The following IGDCC3 variants were observed in gnomAD, a reference collection of about 807,000 sequenced individuals.
The protein encoded by IGDCC3 is putative neuronal cell adhesion molecule.
Under a neutral mutation model 72.0 loss-of-function variants are expected in IGDCC3, and 47 were observed. That is an observed-to-expected ratio of 0.65 (90% confidence interval 0.52 to 0.83). IGDCC3 has a LOEUF of 0.83. Ranked by LOEUF, IGDCC3 falls within the 40% of genes least tolerant of loss-of-function variation. The pLI is 0.00. For missense variants in IGDCC3, 1,038 were observed against 1,091.3 expected (o/e 0.95, Z 0.69); for synonymous variants, 477 against 472.8 (o/e 1.01, Z -0.11).
intron 7 of IGDCC3, 44 bp from the exon 8 acceptor site, chr15:65,331,703 G>T: frequency 6.5e-7 from 1 of 1,533,680 alleles, no homozygotes; most frequent in South Asian, 1.3e-5. Flanking sequence ...CTCCCTGGAG[G>T]TTGACCAAAT....
chr15:65,333,056 G>T (rs2090993009), intron 6 of IGDCC3, among the ~76,000 whole-genome samples: 2 of 152,232 alleles, frequency 1.3e-5, no homozygotes, highest in Admixed American at 1.3e-4. Flanking sequence ...GCATGACCAA[G>T]ACCATCCACC....
At chr15:65,352,931 T>C (rs538728326) in intron 2 of IGDCC3, among the ~76,000 whole-genome samples, 6 of 152,352 alleles carry the variant, frequency 3.9e-5, no homozygotes, top group African/African-American at 1.2e-4. Context: ...TAACTCTGCT[T>C]ATTCCTGTGA....
chr15:65,367,422 A>T (rs2091294654), intron 2 of IGDCC3, among the ~76,000 whole-genome samples: 1 of 151,724 alleles, frequency 6.6e-6, no homozygotes, highest in South Asian at 2.1e-4. Context: ...GATATACCTA[A>T]TGCTAAATGA....
At position 65,377,769 on chromosome 15, in the gene IGDCC3, G is replaced by T; in HGVS notation, c.20C>A (p.Ala7Glu). 2.3e-6 allele frequency: 3 copies of T among 1,299,122 alleles called. No homozygotes were observed. The highest frequency in any genetic ancestry group is 2.9e-6 in the Non-Finnish European group (3 of 1,029,128). 80.5% of individuals were successfully genotyped at this position (1,299,122 alleles called of 1,614,324 possible). The change falls in exon 1 of 14, where the codon GCG (alanine) becomes GAG (glutamate). Residue 7 changes from alanine (A) to glutamate (E), a missense_variant. Coordinates refer to ENST00000327987, the MANE Select transcript of IGDCC3 (RefSeq NM_004884.4). The surrounding 1 kb of genome is among the most constrained non-coding windows in gnomAD (Gnocchi z 4.9). ...CGGGGCGGGCGGGCGGCGCGGAGAC[G>T]CGGCGCGCTGCACAGCCATGGGGCT... MAVQRA[A>E]SPRRPPAPLW...
At chr15:65,363,751 GTAAT>G in intron 2 of IGDCC3, among the ~76,000 whole-genome samples, 2 of 152,170 alleles carry the variant, frequency 1.3e-5, no homozygotes, top group East Asian at 3.9e-4. Flanking sequence ...CAAACAAAGA[GTAAT>G]TATGACAGAT....
At chr15:65,332,839 G>A (rs977592944) in intron 6 of IGDCC3, among the ~76,000 whole-genome samples, 1 of 152,208 alleles carries the variant, frequency 6.6e-6, no homozygotes, top group Non-Finnish European at 1.5e-5. Flanking sequence ...TGAGGCTGCC[G>A]GCGACAGAGT....
chr15:65,348,907 C>T (rs1433251746), intron 2 of IGDCC3, among the ~76,000 whole-genome samples: 1 of 152,148 alleles, frequency 6.6e-6, no homozygotes, highest in African/African-American at 2.4e-5. Flanking sequence ...CTCCCTAAAA[C>T]GGGAAACTCA....
intron 2 of IGDCC3, 35 bp downstream of exon 2, chr15:65,375,062 C>T (rs761001985): frequency 1.9e-6 from 3 of 1,583,796 alleles, no homozygotes; most frequent in Non-Finnish European, 2.6e-6. Context: ...CACCAGCTGG[C>T]TTACACAAAG....
chr15:65,331,534 C>T lies in IGDCC3; in HGVS notation c.1274G>A (p.Gly425Glu). The T allele has an allele frequency of 6.2e-7, 1 of 1,613,758 alleles. No homozygotes were observed. The highest frequency in any genetic ancestry group is 8.5e-7 in the Non-Finnish European group (1 of 1,179,936). ...GACTGCCCGCACATTGCGGGGAGGC[C>T]CGGGGAGCCCCTCAGCCCACAGTAC... ...LTVLWAEGLP[G>E]PPRNVRAVSV... The change falls in exon 8 of 14, where the codon GGG becomes GAG. Residue 425 changes from glycine to glutamate, a missense_variant. Coordinates refer to ENST00000327987, the MANE Select transcript of IGDCC3 (RefSeq NM_004884.4).
chr15:65,372,178 T>TGGCAGGAA (rs2091329956), intron 2 of IGDCC3, among the ~76,000 whole-genome samples: 1 of 152,188 alleles, frequency 6.6e-6, no homozygotes, highest in South Asian at 2.1e-4. Context: ...CAGTGCTTCC[T>TGGCAGGAA]GCGTGCCAGG....
chr15:65,370,523 T>A (rs1429549529), intron 2 of IGDCC3, among the ~76,000 whole-genome samples: 6,859 of 140,204 alleles, frequency 0.049, 384 homozygotes, highest in Admixed American at 0.15. Context: ...AAAATATATA[T>A]ATATATATAT....
intron 2 of IGDCC3, among the ~76,000 whole-genome samples, chr15:65,370,762 AT>A (rs1283589901): frequency 6.6e-6 from 1 of 150,944 alleles, no homozygotes; most frequent in Non-Finnish European, 1.5e-5. Flanking sequence ...ATTTTTTATT[AT>A]TTTATATTAT....
intron 2 of IGDCC3, among the ~76,000 whole-genome samples, chr15:65,367,837 A>G (rs927335537): frequency 2.0e-5 from 3 of 152,060 alleles, no homozygotes; most frequent in Non-Finnish European, 2.9e-5. Context: ...TTGAGGAGAG[A>G]TGGACCCCAA....
At position 65,362,083 on chromosome 15, in the gene IGDCC3, C is replaced by T. The variant is rs552788429; in HGVS notation, c.409+13014G>A. On this transcript the variant is annotated intron_variant, in intron 2 of 13. Coordinates refer to ENST00000327987, the MANE Select transcript of IGDCC3 (RefSeq NM_004884.4). ...GCTATTCTCAAAACTTTCATCCTGA[C>T]ATTAAAAAAAAAAAAGAAGTGGTAC... 4.0e-5 allele frequency among the ~76,000 whole-genome samples: 6 copies of T among 148,510 alleles called. 1 individual carries two copies. In the South Asian group the frequency reaches 1.3e-3, roughly 32 times the overall value.
chr15:65,336,107 C>A, intron 2 of IGDCC3, 151 bp from the exon 3 acceptor site: 1 of 718,712 alleles, frequency 1.4e-6, no homozygotes. Flanking sequence ...TTGGGGGACC[C>A]ATCAGCACTT....
At chr15:65,343,981 C>T (rs1318603502) in intron 2 of IGDCC3, among the ~76,000 whole-genome samples, 1 of 152,142 alleles carries the variant, frequency 6.6e-6, no homozygotes, top group African/African-American at 2.4e-5. Context: ...ATCTGGATCC[C>T]CACTTAGCCC....
intron 9 of IGDCC3, 24 bp downstream of exon 9, chr15:65,331,026 T>C (rs376972102): frequency 2.7e-5 from 44 of 1,610,704 alleles, no homozygotes; most frequent in Non-Finnish European, 3.6e-5. Flanking sequence ...GCCTGTGGTT[T>C]TGTGCTCCAC....
Position 65,356,848 on chromosome 15 carries a change from C to CTTTTTTTTTT in IGDCC3, c.409+18239_409+18248dup, listed in dbSNP as rs766472764. On this transcript the variant is annotated intron_variant, in intron 2 of 13. Transcript: ENST00000327987. ...GATGTGAGATTTGAGAATGGACCTG[C>CTTTTTTTTTT]TTTTTTTTTTTTTTTTTTTGAGATG... 3.8e-4 allele frequency among the ~76,000 whole-genome samples: 27 copies of CTTTTTTTTTT among 70,880 alleles called. 1 individual carries two copies. The highest frequency in any genetic ancestry group is 1.1e-3 in the African/African-American group (16 of 15,032). The allele number at this position is 70,880 out of a possible 152,430, so 46.5% of individuals were successfully genotyped here.
At chr15:65,338,807 T>A (rs1379117365) in intron 2 of IGDCC3, among the ~76,000 whole-genome samples, 2 of 152,232 alleles carry the variant, frequency 1.3e-5, no homozygotes, top group Non-Finnish European at 1.5e-5. Flanking sequence ...TCTGTCTTCA[T>A]GAACAGGATC....
Sources: allele counts gnomAD v4.1 joint callset (sites outside exome capture counted in the v4.1 genomes callset), GRCh38; gene constraint gnomAD v4.1.1; non-coding constraint Gnocchi (gnomAD v3.1); transcripts MANE v1.5; gene names NCBI Gene and HGNC (gene_info 2026-07-23, HGNC 2026-07-21).